Variants in ZNF475 observed in about 807,000 individuals in gnomAD.
The protein encoded by ZNF475 is zinc finger protein 475.
the ZNF475 span, among the ~76,000 whole-genome samples, chr5:122,167,554 A>G: frequency 6.6e-6 from 1 of 152,190 alleles, no homozygotes; most frequent in Non-Finnish European, 1.5e-5. Context: ...TTCTTTTACA[A>G]CGTGTACTGC....
At chr5:122,164,789 G>C in the ZNF475 span, among the ~76,000 whole-genome samples, 1 of 152,186 alleles carries the variant, frequency 6.6e-6, no homozygotes, top group Non-Finnish European at 1.5e-5. Flanking sequence ...TTAGAGGGCA[G>C]AGAAGTCAGA....
chr5:122,160,735 C>G, the ZNF475 span, among the ~76,000 whole-genome samples: 1 of 152,154 alleles, frequency 6.6e-6, no homozygotes, highest in African/African-American at 2.4e-5. Flanking sequence ...AAAACCATAA[C>G]ATAGTTATAC....
the ZNF475 span, among the ~76,000 whole-genome samples, chr5:122,165,370 T>A: frequency 1.1e-4 from 16 of 152,322 alleles, no homozygotes; most frequent in African/African-American, 3.6e-4. Context: ...TCACACTCCA[T>A]CTGAGAGACA....
At chr5:122,181,170 T>C in the ZNF475 span, among the ~76,000 whole-genome samples, 613 of 152,294 alleles carry the variant, frequency 4.0e-3, 3 homozygotes, top group African/African-American at 0.014. Flanking sequence ...CCATGTTATT[T>C]ATCTCTGAGG....
chr5:122,180,955 T>C, the ZNF475 span, among the ~76,000 whole-genome samples: 2 of 152,216 alleles, frequency 1.3e-5, no homozygotes, highest in African/African-American at 4.8e-5. Flanking sequence ...GAAACTCTCT[T>C]TCCAGCATTT....
chr5:122,165,818 T>C, the ZNF475 span, among the ~76,000 whole-genome samples: 5 of 151,840 alleles, frequency 3.3e-5, no homozygotes, highest in East Asian at 1.9e-4. Flanking sequence ...TTCCAAGGAA[T>C]GTACAAAGCA....
At chr5:122,173,027 C>A in the ZNF475 span, among the ~76,000 whole-genome samples, 1 of 151,416 alleles carries the variant, frequency 6.6e-6, no homozygotes, top group African/African-American at 2.4e-5. Context: ...AGCGAGACTC[C>A]GTCTCAGAAA....
At chr5:122,175,343 T>A in the ZNF475 span, among the ~76,000 whole-genome samples, 3 of 152,320 alleles carry the variant, frequency 2.0e-5, no homozygotes, top group Admixed American at 1.3e-4. Context: ...GACATACACA[T>A]TAACCAAGTT....
At chr5:122,180,476 G>A in the ZNF475 span, among the ~76,000 whole-genome samples, 4 of 152,154 alleles carry the variant, frequency 2.6e-5, no homozygotes, top group African/African-American at 7.2e-5. Flanking sequence ...GCCATGTTTC[G>A]CCTCATCACA....
the ZNF475 span, among the ~76,000 whole-genome samples, chr5:122,164,610 C>A: frequency 2.0e-5 from 3 of 152,250 alleles, no homozygotes; most frequent in South Asian, 6.2e-4. Flanking sequence ...AGCCAACTAC[C>A]ATTTGGATCA....
the ZNF475 span, among the ~76,000 whole-genome samples, chr5:122,170,921 C>G: frequency 4.6e-5 from 7 of 152,082 alleles, no homozygotes; most frequent in African/African-American, 1.7e-4. Context: ...GGAAAAGGAC[C>G]AAATATAATT....
chr5:122,160,387 C>A, the ZNF475 span: 1 of 647,446 alleles, frequency 1.5e-6, no homozygotes, highest in South Asian at 1.6e-5. Context: ...CATTTTAGAG[C>A]AACAGCCTCA....
At chr5:122,169,181 G>A in the ZNF475 span, among the ~76,000 whole-genome samples, 1 of 152,206 alleles carries the variant, frequency 6.6e-6, no homozygotes, top group Non-Finnish European at 1.5e-5. Flanking sequence ...AAAGGGTCGT[G>A]TTGTTTAGCA....
the ZNF475 span, among the ~76,000 whole-genome samples, chr5:122,176,545 T>A: frequency 2.0e-5 from 3 of 152,188 alleles, no homozygotes; most frequent in Non-Finnish European, 4.4e-5. Context: ...GTTCCTAAAA[T>A]GGTAGAGGCT....
the ZNF475 span, among the ~76,000 whole-genome samples, chr5:122,179,165 T>C: frequency 6.6e-6 from 1 of 152,264 alleles, no homozygotes; most frequent in Non-Finnish European, 1.5e-5. Context: ...TGAAGTCAGG[T>C]GGTGTGCTGC....
chr5:122,167,019 T>C, the ZNF475 span, among the ~76,000 whole-genome samples: 13 of 152,244 alleles, frequency 8.5e-5, no homozygotes, highest in African/African-American at 2.9e-4. Context: ...CTAAATGGTA[T>C]TGCGTAGGTT....
the ZNF475 span, among the ~76,000 whole-genome samples, chr5:122,181,764 G>A: frequency 6.6e-6 from 1 of 152,124 alleles, no homozygotes; most frequent in East Asian, 1.9e-4. Flanking sequence ...TTTAACTAAG[G>A]TTTATTAAAG....
chr5:122,166,673 C>A, the ZNF475 span, among the ~76,000 whole-genome samples: 25 of 152,194 alleles, frequency 1.6e-4, no homozygotes, highest in Non-Finnish European at 2.9e-4. Flanking sequence ...TGAACTCATA[C>A]TTTTTTATGG....
the ZNF475 span, among the ~76,000 whole-genome samples, chr5:122,181,045 A>T: frequency 6.6e-6 from 1 of 152,264 alleles, no homozygotes; most frequent in African/African-American, 2.4e-5. Flanking sequence ...CCAGCAGGCT[A>T]GAAGTAAGAG....
Sources: gnomAD v4.1 joint callset for allele counts (sites outside exome capture counted in the v4.1 genomes callset) on GRCh38, gnomAD v4.1.1 for gene constraint, MANE v1.5 for transcripts, NCBI Gene and HGNC (gene_info 2026-07-23, HGNC 2026-07-21) for gene names.